GAREM1: variants seen among roughly 807,000 people sequenced by gnomAD.
GAREM1 encodes the protein GRB2 associated regulator of MAPK1 subtype 1, also known as GRB2-associated and regulator of MAPK protein 1.
GAREM1 carries 26 observed loss-of-function variants against 71.3 expected under a neutral mutation model. The observed-to-expected ratio is 0.36, with a 90% CI of 0.27 to 0.51. The LOEUF is 0.51. GAREM1 is among the 20% of genes least tolerant of loss of function. The pLI, the probability that GAREM1 is intolerant of heterozygous loss-of-function variation, is 0.95. For synonymous variants in GAREM1, 440 were observed against 433.2 expected, an observed-to-expected ratio of 1.02 and a Z score of -0.20; for missense variants, 1,026 against 1,103.1, an observed-to-expected ratio of 0.93 and a Z score of 0.99.
At chr18:32,451,583 C>G (rs529521820) in intron 1 of GAREM1, among the ~76,000 whole-genome samples, 1 of 152,178 alleles carries the variant, frequency 6.6e-6, no homozygotes, top group Non-Finnish European at 1.5e-5. Context: ...ATATTTCCCA[C>G]TCACCCTGCT....
chr18:32,417,396 A>G (rs763300652), intron 1 of GAREM1, among the ~76,000 whole-genome samples: 2 of 152,220 alleles, frequency 1.3e-5, no homozygotes, highest in Admixed American at 6.5e-5. Flanking sequence ...GGAAATCAGT[A>G]TAACAAGGAG....
rs2041404427 is a variant in GAREM1, at chr18:32,268,272, A to G, written c.2230T>C (p.Leu744=). 1.2e-6 allele frequency: 2 copies of G among 1,613,838 alleles called. No homozygotes were observed. Among genetic ancestry groups the G allele is most frequent in the Admixed American group, 1.7e-5 (1 of 59,968 alleles). ...TCAGCACCATCAATTTTCAGAGGCA[A>G]AGGAGATGTTTCGGAGGCGACCTTC... is the stretch of plus-strand genomic sequence containing the variant. ...EEKVASETSP[L]PLKIDGAEED... The change falls in exon 6 of 6, where the codon TTG becomes CTG. Residue 744 remains leucine, a synonymous_variant. Coordinates refer to ENST00000269209, the MANE Select transcript of GAREM1 (RefSeq NM_001242409.2).
chr18:32,423,899 T>C (rs926705413), intron 1 of GAREM1, among the ~76,000 whole-genome samples: 1 of 152,100 alleles, frequency 6.6e-6, no homozygotes, highest in Admixed American at 6.6e-5. Context: ...TTTGGGAGGC[T>C]GAAGTGGGAG....
intron 1 of GAREM1, among the ~76,000 whole-genome samples, chr18:32,420,015 G>A (rs774047849): frequency 2.0e-5 from 3 of 152,124 alleles, no homozygotes; most frequent in Non-Finnish European, 4.4e-5. Context: ...GTGCCACTAG[G>A]CCAAAAGAAC....
chr18:32,385,242 GTTTCC>G (rs2048134884), intron 2 of GAREM1, among the ~76,000 whole-genome samples: 1 of 150,770 alleles, frequency 6.6e-6, no homozygotes, highest in Non-Finnish European at 1.5e-5. Context: ...AATGTCACTG[GTTTCC>G]CTTTAGTACA....
intron 1 of GAREM1, among the ~76,000 whole-genome samples, chr18:32,454,703 A>G (rs1387907972): frequency 6.6e-6 from 1 of 152,218 alleles, no homozygotes; most frequent in Non-Finnish European, 1.5e-5. Flanking sequence ...AAATTCCTTG[A>G]GCAGGAAGAG....
intron 2 of GAREM1, among the ~76,000 whole-genome samples, chr18:32,332,943 A>G (rs906462559): frequency 6.6e-6 from 1 of 152,160 alleles, no homozygotes; most frequent in Admixed American, 6.5e-5. Flanking sequence ...TGACAATGAC[A>G]AAAATAGACA....
intron 2 of GAREM1, among the ~76,000 whole-genome samples, chr18:32,336,765 T>C (rs1292164828): frequency 2.6e-5 from 4 of 152,198 alleles, no homozygotes; most frequent in Non-Finnish European, 5.9e-5. Context: ...CAACCTGAAA[T>C]GAAGTGCAGC....
At chr18:32,405,454 T>A (rs2048356117) in intron 1 of GAREM1, among the ~76,000 whole-genome samples, 1 of 152,168 alleles carries the variant, frequency 6.6e-6, no homozygotes, top group Non-Finnish European at 1.5e-5. Context: ...CACCTTGGCC[T>A]CCCAATGTGC....
At chr18:32,376,146 T>A (rs1312562792) in intron 2 of GAREM1, among the ~76,000 whole-genome samples, 1 of 152,252 alleles carries the variant, frequency 6.6e-6, no homozygotes, top group Non-Finnish European at 1.5e-5. Flanking sequence ...GAAAGACTTT[T>A]AAATGTATAA....
chr18:32,269,010 A>G (rs1429131803), intron 5 of GAREM1, among the ~76,000 whole-genome samples: 2 of 152,328 alleles, frequency 1.3e-5, no homozygotes, highest in Non-Finnish European at 2.9e-5. Flanking sequence ...TATTTCAGCT[A>G]GTAAGAAAAT....
At chr18:32,393,211 C>T (rs1193824290) in intron 1 of GAREM1, among the ~76,000 whole-genome samples, 176 bp from the exon 2 acceptor site, 1 of 150,226 alleles carries the variant, frequency 6.7e-6, no homozygotes, top group African/African-American at 2.5e-5. Context: ...AAGGGTATTC[C>T]ACACCAAGCT....
intron 1 of GAREM1, among the ~76,000 whole-genome samples, chr18:32,446,223 A>AGTGTGTGTGTGTGTGT (rs10587223): frequency 1.4e-5 from 2 of 143,344 alleles, no homozygotes; most frequent in African/African-American, 5.2e-5. Flanking sequence ...AGTTCCCCAT[A>AGTGTGTGTGTGTGTGT]GTGTGTGTGT....
At chr18:32,338,212 G>C (rs1473546967) in intron 2 of GAREM1, among the ~76,000 whole-genome samples, 2 of 152,144 alleles carry the variant, frequency 1.3e-5, no homozygotes, top group Non-Finnish European at 2.9e-5. Context: ...ATATAATCTG[G>C]TAAATTTATT....
intron 1 of GAREM1, among the ~76,000 whole-genome samples, chr18:32,442,261 G>C (rs1262454240): frequency 6.6e-6 from 1 of 152,060 alleles, no homozygotes; most frequent in Non-Finnish European, 1.5e-5. Flanking sequence ...GTGAAACTCA[G>C]CTATTTATAG....
intron 4 of GAREM1, among the ~76,000 whole-genome samples, chr18:32,279,578 GCTCA>G (rs1329454007): frequency 6.6e-6 from 1 of 152,144 alleles, no homozygotes; most frequent in Non-Finnish European, 1.5e-5. Context: ...AGGAAAACAA[GCTCA>G]GGGCTCCCAC....
intron 4 of GAREM1, among the ~76,000 whole-genome samples, chr18:32,286,790 A>C (rs2047022329): frequency 6.6e-6 from 1 of 152,142 alleles, no homozygotes; most frequent in South Asian, 2.1e-4. Flanking sequence ...GGCAGCAGCA[A>C]AAGTCATGTT....
intron 2 of GAREM1, among the ~76,000 whole-genome samples, chr18:32,340,349 G>T (rs149230150): frequency 6.4e-4 from 97 of 152,302 alleles, no homozygotes; most frequent in Middle Eastern, 3.4e-3. Flanking sequence ...GAGATTATGG[G>T]AATCAGACTT....
intron 2 of GAREM1, among the ~76,000 whole-genome samples, chr18:32,381,123 T>C (rs908208319): frequency 9.2e-5 from 14 of 152,106 alleles, no homozygotes; most frequent in African/African-American, 3.4e-4. Context: ...TGCACCATTT[T>C]TCTCCATCAC....
Sources: allele counts gnomAD v4.1 joint callset (sites outside exome capture counted in the v4.1 genomes callset), GRCh38; gene constraint gnomAD v4.1.1; transcripts MANE v1.5; gene names NCBI Gene and HGNC (gene_info 2026-07-23, HGNC 2026-07-21).